SORCS2: variants seen among roughly 807,000 people sequenced by gnomAD.
SORCS2 encodes VPS10 domain-containing receptor SorCS2.
In SORCS2, 100 loss-of-function variants were observed where a neutral mutation model predicts 141.6. The ratio of observed to expected loss-of-function variants is 0.71; its 90% CI spans 0.60 to 0.83. The LOEUF is 0.83. Ranked by LOEUF, SORCS2 falls within the 40% of genes least tolerant of loss-of-function variation. The pLI is 0.00. For missense variants in SORCS2, 1,646 were observed against 1,560.2 expected, an observed-to-expected ratio of 1.05 and a Z score of -0.93; for synonymous variants, 789 against 676.9, an observed-to-expected ratio of 1.17 and a Z score of -2.57.
chr4:7,561,198 C>A (rs1714518624), intron 3 of SORCS2, among the ~76,000 whole-genome samples: 1 of 152,032 alleles, frequency 6.6e-6, no homozygotes, highest in African/African-American at 2.4e-5. Flanking sequence ...TTATTCAAAC[C>A]CACTCAGTTT....
At chr4:7,243,573 A>G (rs1712861181) in intron 1 of SORCS2, among the ~76,000 whole-genome samples, 2 of 152,288 alleles carry the variant, frequency 1.3e-5, no homozygotes, top group African/African-American at 4.8e-5. Context: ...GCATCTCATG[A>G]TGACACCCGT....
At chr4:7,455,413 CTGTGTTGGGGTCAGTGCTG>C (rs1728830230) in intron 2 of SORCS2, among the ~76,000 whole-genome samples, 1 of 101,922 alleles carries the variant, frequency 9.8e-6, no homozygotes, top group Non-Finnish European at 1.9e-5. Context: ...GGGTCAGGCA[CTGTGTTGGGGTCAGTGCTG>C]TGTGTTGGGG....
intron 2 of SORCS2, among the ~76,000 whole-genome samples, chr4:7,403,206 C>G (rs1724710478): frequency 6.6e-6 from 1 of 152,172 alleles, no homozygotes; most frequent in African/African-American, 2.4e-5. Context: ...ACTGTGTTGA[C>G]TGTGGTTTGG....
chr4:7,364,408 C>G (rs1721759548), intron 1 of SORCS2, among the ~76,000 whole-genome samples: 1 of 152,190 alleles, frequency 6.6e-6, no homozygotes, highest in South Asian at 2.1e-4. Flanking sequence ...CTGACATTTT[C>G]TCTCTGGGCT....
At chr4:7,215,830 T>C (rs1320583398) in intron 1 of SORCS2, among the ~76,000 whole-genome samples, 1 of 152,030 alleles carries the variant, frequency 6.6e-6, no homozygotes, top group Non-Finnish European at 1.5e-5. Context: ...TGGAGAACCT[T>C]TGTATCTAGC....
intron 3 of SORCS2, among the ~76,000 whole-genome samples, chr4:7,575,112 T>C (rs373091596): frequency 3.0e-4 from 46 of 152,334 alleles, no homozygotes; most frequent in Middle Eastern, 3.4e-3. Context: ...CTGGGCTTCA[T>C]TGCCATAACC....
chr4:7,573,502 T>C (rs767695962), intron 3 of SORCS2, among the ~76,000 whole-genome samples: 1 of 152,148 alleles, frequency 6.6e-6, no homozygotes, highest in Non-Finnish European at 1.5e-5. Context: ...TGTGTTCTGA[T>C]TTTTTGTTTG....
chr4:7,288,694 C>T (rs1286270745), intron 1 of SORCS2, among the ~76,000 whole-genome samples: 1 of 150,322 alleles, frequency 6.7e-6, no homozygotes, highest in Non-Finnish European at 1.5e-5. Context: ...GTCCCTACTC[C>T]TGTGACCTCT....
chr4:7,654,352 G>T, intron 5 of SORCS2, 145 bp downstream of exon 5: 5 of 769,006 alleles, frequency 6.5e-6, no homozygotes, highest in Non-Finnish European at 8.4e-6. Context: ...ACCGTCCACT[G>T]CCTCTGCCTG....
intron 5 of SORCS2, among the ~76,000 whole-genome samples, chr4:7,654,796 C>G (rs538049701): frequency 6.6e-6 from 1 of 152,308 alleles, no homozygotes; most frequent in Non-Finnish European, 1.5e-5. Context: ...CCCAGACAAG[C>G]CCCCACCCTG....
intron 2 of SORCS2, among the ~76,000 whole-genome samples, chr4:7,454,867 GGT>G (rs1402912514): frequency 4.5e-5 from 6 of 132,076 alleles, no homozygotes; most frequent in African/African-American, 8.7e-5. Flanking sequence ...GTTGGGGTCA[GGT>G]GCTGTGTGTT....
intron 2 of SORCS2, among the ~76,000 whole-genome samples, chr4:7,502,861 G>A (rs542108778): frequency 1.6e-4 from 25 of 152,368 alleles, no homozygotes; most frequent in Admixed American, 1.3e-3. Context: ...CCGCTGTGGC[G>A]ACTGAGGGAG....
In SORCS2 at chr4:7,522,843, C is replaced by A. The variant is rs1445184068; in HGVS notation, c.549-8687C>A. ...CTCCCTTCTCCCTCCCTCCTCCCCC[C>A]ACTTCTTCCTCCCTTTTCCCTCCCT... On this transcript the variant is annotated intron_variant, in intron 2 of 26. Transcript: ENST00000507866. Among the ~76,000 whole-genome samples the A allele has an allele frequency of 9.8e-5, 4 of 40,876 alleles. 1 individual carries two copies. The highest frequency in any genetic ancestry group is 1.7e-4 in the Non-Finnish European group (3 of 18,150). 26.8% of individuals were successfully genotyped at this position (40,876 alleles called of 152,430 possible).
chr4:7,535,568 G>A lies in SORCS2; in HGVS notation c.648+3939G>A, dbSNP rs1577711685. ...ACTGTAAGGCTGATGGAATTAATGAGGTGCTCCTTGTCAAGTGCTCAGATC... is the reference window on the plus strand; with the variant it reads ...ACTGTAAGGCTGATGGAATTAATGAAGTGCTCCTTGTCAAGTGCTCAGATC... On this transcript the variant is annotated intron_variant, in intron 3 of 26. Coordinates refer to ENST00000507866, the MANE Select transcript of SORCS2 (RefSeq NM_020777.3). Among the ~76,000 whole-genome samples the A allele has an allele frequency of 2.0e-5, 3 of 152,352 alleles. 1 individual carries two copies. The East Asian group carries it at 5.8e-4, about 29-fold the overall frequency.
chr4:7,665,385 C>T (rs991985207), intron 7 of SORCS2, among the ~76,000 whole-genome samples: 1 of 152,216 alleles, frequency 6.6e-6, no homozygotes, highest in Non-Finnish European at 1.5e-5. Flanking sequence ...CAGCCCTGCC[C>T]AGTCTCCACT....
At chr4:7,703,453 C>T in intron 13 of SORCS2, 82 bp downstream of exon 13, 5 of 1,087,690 alleles carry the variant, frequency 4.6e-6, no homozygotes, top group Non-Finnish European at 6.7e-6. Flanking sequence ...CAGACTAGTC[C>T]CCAGAATGTC....
intron 1 of SORCS2, among the ~76,000 whole-genome samples, chr4:7,342,831 G>A (rs1577422507): frequency 6.6e-6 from 1 of 152,360 alleles, no homozygotes; most frequent in South Asian, 2.1e-4. Context: ...TGAGCAGGCA[G>A]ATGGGACTAA....
chr4:7,670,459 T>A (rs1454497063), intron 8 of SORCS2, among the ~76,000 whole-genome samples: 1 of 152,240 alleles, frequency 6.6e-6, no homozygotes, highest in African/African-American at 2.4e-5. Flanking sequence ...AAGTGAAATA[T>A]TCCTGTATTT....
At chr4:7,246,413 C>G (rs1386009416) in intron 1 of SORCS2, among the ~76,000 whole-genome samples, 2 of 151,958 alleles carry the variant, frequency 1.3e-5, no homozygotes, top group Non-Finnish European at 2.9e-5. Context: ...TTAAATGAAC[C>G]CACACATCTC....
Sources: allele counts gnomAD v4.1 joint callset (sites outside exome capture counted in the v4.1 genomes callset), GRCh38; gene constraint gnomAD v4.1.1; transcripts MANE v1.5; gene names NCBI Gene and HGNC (gene_info 2026-07-23, HGNC 2026-07-21).